The following COBL variants were observed in gnomAD, a reference collection of about 807,000 sequenced individuals.
The protein encoded by COBL is protein cordon-bleu.
Under a neutral mutation model 98.8 loss-of-function variants are expected in COBL, and 51 were observed. The ratio of observed to expected loss-of-function variants is 0.52; its 90% CI spans 0.41 to 0.65. COBL has a LOEUF of 0.65. Ranked by LOEUF, COBL falls within the 30% of genes least tolerant of loss-of-function variation. The pLI is 0.00. For missense variants in COBL, 1,617 were observed against 1,617.5 expected, an observed-to-expected ratio of 1.00 and a Z score of 0.01; for synonymous variants, 634 against 651.7, an observed-to-expected ratio of 0.97 and a Z score of 0.41.
In COBL at chr7:51,187,331, TACAC is replaced by T. The variant is rs1303777271; in HGVS notation, c.686-3136_686-3133del. ...TTAAGTATATATATATATATATATA[TACAC>T]ACACACACACACACACACACATATA... On this transcript the variant is annotated intron_variant, in intron 4 of 12. Transcript: ENST00000265136. Among the ~76,000 whole-genome samples, 746 of 101,416 alleles carry T rather than the reference TACAC, an allele frequency of 7.4e-3. 2 individuals carry two copies. Among genetic ancestry groups the T allele is most frequent in the African/African-American group, 0.015 (442 of 28,712 alleles). 66.5% of individuals were successfully genotyped at this position (101,416 alleles called of 152,430 possible).
rs192427582 is a variant in COBL, at chr7:51,022,387, G to A, written c.3768+2722C>T. On this transcript the variant is annotated intron_variant, in intron 12 of 12. Transcript: ENST00000265136. ...GAGACTGTGCGAGAAACACAAGCCC[G>A]GCTCCCGCCCTGGCTAGCACTTTAC... 3.1e-4 allele frequency among the ~76,000 whole-genome samples: 47 copies of A among 152,274 alleles called. No homozygotes were observed. In the East Asian group the frequency reaches 8.3e-3, roughly 27 times the overall value.
chr7:51,184,310 G>C (rs1442235027), intron 4 of COBL, 111 bp from the exon 5 acceptor site: 2 of 602,258 alleles, frequency 3.3e-6, no homozygotes, highest in South Asian at 2.5e-5. Flanking sequence ...TTTAGTTCTT[G>C]TAAGAGAGGG....
intron 2 of COBL, among the ~76,000 whole-genome samples, chr7:51,203,845 G>A (rs1017194162): frequency 6.6e-6 from 1 of 152,024 alleles, no homozygotes; most frequent in African/African-American, 2.4e-5. Flanking sequence ...CAAAAAAATA[G>A]AAAAAGAGGG....
At chr7:51,291,830 G>A (rs1163011537) in intron 1 of COBL, among the ~76,000 whole-genome samples, 1 of 151,998 alleles carries the variant, frequency 6.6e-6, no homozygotes, top group Non-Finnish European at 1.5e-5. Flanking sequence ...GATAGAATGG[G>A]GAGCTTTTGC....
chr7:51,061,904 T>C (rs10277398), intron 7 of COBL, among the ~76,000 whole-genome samples: 7,274 of 147,130 alleles, frequency 0.049, 610 homozygotes, highest in African/African-American at 0.18. Flanking sequence ...GTTTCTATAA[T>C]TACACAAGGC....
chr7:51,250,218 G>C (rs1444351303), intron 1 of COBL, among the ~76,000 whole-genome samples: 7 of 151,972 alleles, frequency 4.6e-5, no homozygotes, highest in African/African-American at 1.5e-4. Context: ...TGTCCACCCC[G>C]CACCAAACAG....
chr7:51,312,329 C>A (rs1203725582), intron 1 of COBL, among the ~76,000 whole-genome samples: 1 of 151,702 alleles, frequency 6.6e-6, no homozygotes, highest in Non-Finnish European at 1.5e-5. Context: ...AGATTATGTC[C>A]CCCCACCAAA....
At chr7:51,263,182 T>C (rs1452068319) in intron 1 of COBL, among the ~76,000 whole-genome samples, 1 of 151,632 alleles carries the variant, frequency 6.6e-6, no homozygotes, top group Non-Finnish European at 1.5e-5. Flanking sequence ...GAGCAGGTCC[T>C]ACCTGTGAAC....
chr7:51,240,358 C>T (rs1204813805), intron 1 of COBL, among the ~76,000 whole-genome samples: 2 of 152,196 alleles, frequency 1.3e-5, no homozygotes, highest in African/African-American at 2.4e-5. Context: ...TTCTAACATT[C>T]GCTTTCTCAC....
rs768602767 is a variant in COBL at position 51,027,958 on chromosome 7, G to A, written c.3138C>T (p.His1046=). 7.3e-5 allele frequency: 118 copies of A among 1,610,236 alleles called. 1 individual carries two copies. The highest frequency in any genetic ancestry group is 9.0e-5 in the Non-Finnish European group (106 of 1,177,942). ...LVNGSVRAPG[H]GEPSHPPGGS... is the part of the protein sequence containing the mutation. ...CTCCTGGAGGGTGGGAAGGCTCGCCGTGGCCTGGGGCGCGCACAGAGCCAT... is the reference window on the plus strand; with the variant it reads ...CTCCTGGAGGGTGGGAAGGCTCGCCATGGCCTGGGGCGCGCACAGAGCCAT... Residue 1046 remains histidine, a synonymous_variant, in exon 10 of 13, where the codon CAC becomes CAT. Transcript: ENST00000265136.
chr7:51,268,845 G>A (rs1219451045), intron 1 of COBL, among the ~76,000 whole-genome samples: 8 of 151,232 alleles, frequency 5.3e-5, no homozygotes, highest in African/African-American at 1.7e-4. Context: ...CAGGAGAATC[G>A]CTCGAACTCA....
chr7:51,080,517 G>A (rs926448671), intron 7 of COBL, among the ~76,000 whole-genome samples: 1 of 152,142 alleles, frequency 6.6e-6, no homozygotes, highest in African/African-American at 2.4e-5. Flanking sequence ...CGCTTATGGT[G>A]GTAAGGCCTC....
At chr7:51,101,181 T>C (rs1795774762) in intron 6 of COBL, among the ~76,000 whole-genome samples, 1 of 152,226 alleles carries the variant, frequency 6.6e-6, no homozygotes, top group Non-Finnish European at 1.5e-5. Context: ...CCTGGTAAAT[T>C]AAGATAACAT....
At chr7:51,057,152 C>T (rs1380592916) in intron 7 of COBL, among the ~76,000 whole-genome samples, 2 of 152,138 alleles carry the variant, frequency 1.3e-5, no homozygotes, top group Admixed American at 6.6e-5. Flanking sequence ...GTTCAGGGGC[C>T]CTTACTGTAC....
chr7:51,176,850 T>C (rs144662707), intron 5 of COBL, among the ~76,000 whole-genome samples: 2,239 of 152,320 alleles, frequency 0.015, 54 homozygotes, highest in African/African-American at 0.052. Context: ...TGTTTGTATA[T>C]TGTCTACATG....
Position 51,025,208 on chromosome 7 carries a change from G to A in COBL, c.3669C>T (p.Ala1223=), listed in dbSNP as rs201622555. Residue 1223 remains alanine (A), a synonymous_variant, in exon 12 of 13, where the codon GCC becomes GCT. Transcript: ENST00000265136. ...PSQALSAPRT[A]SRFSTGTLSN... ...TGAGGGTGCCCGTGCTGAACCTGGA[G>A]GCCGTCCTTGGTGCAGAGAGAGCCT... 4 of 1,611,188 alleles carry A rather than the reference G, an allele frequency of 2.5e-6. No individual in the cohort carries two copies. In the East Asian group the frequency reaches 8.9e-5, roughly 36 times the overall value.
intron 1 of COBL, among the ~76,000 whole-genome samples, chr7:51,229,610 C>A (rs1031728000): frequency 6.6e-6 from 1 of 152,220 alleles, no homozygotes; most frequent in Non-Finnish European, 1.5e-5. Flanking sequence ...TCGGCATTTG[C>A]TGAATTTGTA....
At chr7:51,252,989 G>A (rs534246264) in intron 1 of COBL, among the ~76,000 whole-genome samples, 36 of 152,242 alleles carry the variant, frequency 2.4e-4, no homozygotes, top group Non-Finnish European at 4.0e-4. Flanking sequence ...TTGGGAGGCC[G>A]AGGCGGGCAG....
intron 1 of COBL, among the ~76,000 whole-genome samples, chr7:51,238,000 G>GC (rs1430902499): frequency 6.6e-6 from 1 of 152,160 alleles, no homozygotes; most frequent in East Asian, 1.9e-4. Flanking sequence ...TCCAGGGCAT[G>GC]CCCCTCAGGT....
Sources: gnomAD v4.1 joint callset for allele counts (sites outside exome capture counted in the v4.1 genomes callset) on GRCh38, gnomAD v4.1.1 for gene constraint, MANE v1.5 for transcripts, NCBI Gene and HGNC (gene_info 2026-07-23, HGNC 2026-07-21) for gene names.